ANK1: variants seen among roughly 807,000 people sequenced by gnomAD.
ANK1 encodes ankyrin 1.
ANK1 carries 51 observed loss-of-function variants against 210.4 expected under a neutral mutation model. The observed-to-expected ratio is 0.24, with a 90% CI of 0.19 to 0.31. The LOEUF is 0.31. Ranked by LOEUF, ANK1 falls within the 10% of genes least tolerant of loss-of-function variation. The pLI, the probability that ANK1 is intolerant of heterozygous loss-of-function variation, is 1.00. For missense variants in ANK1, 2,051 were observed against 2,504.4 expected (o/e 0.82, Z 3.86); for synonymous variants, 967 against 1,025.9 (o/e 0.94, Z 1.10).
At chr8:41,785,202 T>G (rs7813245) in intron 1 of ANK1, among the ~76,000 whole-genome samples, 1 of 151,846 alleles carries the variant, frequency 6.6e-6, no homozygotes, top group Admixed American at 6.6e-5. Flanking sequence ...TACAAAAAAT[T>G]TTTAAAAAAT....
At chr8:41,859,694 TATTG>T (rs1302805335) in intron 1 of ANK1, among the ~76,000 whole-genome samples, 1 of 152,238 alleles carries the variant, frequency 6.6e-6, no homozygotes, top group Non-Finnish European at 1.5e-5. Context: ...AATAAACACT[TATTG>T]ATTGATTGAT....
chr8:41,723,219 T>C lies in ANK1; in HGVS notation c.815A>G (p.Glu272Gly), dbSNP rs1563565472. The change falls in exon 9 of 43, where the codon GAA (glutamate) becomes GGA (glycine). Residue 272 changes from glutamate (E) to glycine (G), a missense_variant. Physicochemically the swap from Glu to Gly is moderately conservative, Grantham distance 98. This residue lies in a region of ANK1 where 1,413 missense variants were observed against 1,707.4 expected (regional missense o/e 0.83). Transcript: ENST00000289734. ...AGCTGCACAGTGGAGAGGTGTCAAT[T>C]CGTCCTTTAAAAGACAGAGTCAAAA... Reference protein sequence around the residue: ...GAQIETKTKDELTPLHCAARN... With the variant: ...GAQIETKTKDGLTPLHCAARN... 6.2e-7 allele frequency: 1 copy of C among 1,614,140 alleles called. No homozygotes were observed. Among genetic ancestry groups the C allele is most frequent in the Non-Finnish European group, 8.5e-7 (1 of 1,180,020 alleles).
At chr8:41,778,198 A>G (rs1844516555) in intron 1 of ANK1, among the ~76,000 whole-genome samples, 1 of 152,252 alleles carries the variant, frequency 6.6e-6, no homozygotes, top group Admixed American at 6.5e-5. Context: ...ACTCTTGGGA[A>G]GACTGCAAAC....
chr8:41,870,774 G>T (rs1815319780), intron 1 of ANK1, among the ~76,000 whole-genome samples: 1 of 152,124 alleles, frequency 6.6e-6, no homozygotes, highest in Non-Finnish European at 1.5e-5. Context: ...CCAAGGTTTT[G>T]TCCTTGTTGG....
At chr8:41,692,553 G>C in intron 31 of ANK1, 95 bp downstream of exon 31, 1 of 1,270,934 alleles carries the variant, frequency 7.9e-7, no homozygotes, top group Admixed American at 1.7e-5. Context: ...CTCGTCTACA[G>C]AGGGAGGACT....
intron 1 of ANK1, among the ~76,000 whole-genome samples, chr8:41,781,896 G>T (rs1052214234): frequency 6.6e-6 from 1 of 152,194 alleles, no homozygotes; most frequent in Non-Finnish European, 1.5e-5. Context: ...CTGCGTGAGG[G>T]CTGGGGGTCC....
intron 2 of ANK1, among the ~76,000 whole-genome samples, chr8:41,752,911 C>G (rs1408355546): frequency 6.6e-6 from 1 of 152,044 alleles, no homozygotes; most frequent in Non-Finnish European, 1.5e-5. Context: ...CTGTGGTTCA[C>G]TTTCCTCTAT....
chr8:41,830,346 G>T (rs1238303066), intron 1 of ANK1, among the ~76,000 whole-genome samples: 3 of 149,586 alleles, frequency 2.0e-5, no homozygotes, highest in Non-Finnish European at 4.4e-5. Context: ...TCCCTCTGGG[G>T]TCATTTGTTC....
chr8:41,884,295 C>T (rs1818083018), intron 1 of ANK1, among the ~76,000 whole-genome samples: 2 of 152,246 alleles, frequency 1.3e-5, no homozygotes, highest in South Asian at 4.2e-4. Flanking sequence ...TTTCAGTGAG[C>T]CAAGAACACG....
At chr8:41,827,532 G>A (rs528936911) in intron 1 of ANK1, among the ~76,000 whole-genome samples, 1 of 152,130 alleles carries the variant, frequency 6.6e-6, no homozygotes. Context: ...AGGAAATGTA[G>A]GTTAGACAGG....
In ANK1 at chr8:41,889,418, C is replaced by G. The variant is rs577517711; in HGVS notation, c.126+6937G>C. The stretch of plus-strand genomic sequence containing the variant: ...AAGAAAGAAGTTTTTTTGCAAATAT[C>G]ATTGTCAATGCTCGCCAATGGATGC... On this transcript the variant is annotated intron_variant, in intron 1 of 42. Transcript: ENST00000265709. Among the ~76,000 whole-genome samples, 7 of 152,300 alleles carry G rather than the reference C, an allele frequency of 4.6e-5. No homozygotes were observed. The South Asian group carries it at 1.5e-3, about 32-fold the overall frequency.
rs1814048227 is a variant in ANK1, at chr8:41,864,848, A to T, written c.126+31507T>A. On this transcript the variant is annotated intron_variant, in intron 1 of 42. Transcript: ENST00000265709. The stretch of plus-strand genomic sequence containing the variant: ...CAAAGCCATGTCCACATGAAGCCAA[A>T]CACCTGGATGTTTAGAAAGCATATC... Among the ~76,000 whole-genome samples, 5 of 152,182 alleles carry T rather than the reference A, an allele frequency of 3.3e-5. No individual in the cohort carries two copies. In the South Asian group the frequency reaches 1.0e-3, roughly 32 times the overall value.
At chr8:41,682,023 C>T (rs1816214218) in intron 37 of ANK1, among the ~76,000 whole-genome samples, 1 of 152,156 alleles carries the variant, frequency 6.6e-6, no homozygotes, top group Non-Finnish European at 1.5e-5. Flanking sequence ...CGGGAGAGGG[C>T]TCCCTCAAAG....
intron 6 of ANK1, among the ~76,000 whole-genome samples, chr8:41,725,379 C>A (rs1830416437): frequency 6.6e-6 from 1 of 152,210 alleles, no homozygotes; most frequent in Non-Finnish European, 1.5e-5. Flanking sequence ...GTCCCGGACC[C>A]CCTTTCTCCA....
At chr8:41,885,088 G>T (rs1334627635) in intron 1 of ANK1, among the ~76,000 whole-genome samples, 1 of 152,092 alleles carries the variant, frequency 6.6e-6, no homozygotes, top group Non-Finnish European at 1.5e-5. Context: ...GGCTCTCGCT[G>T]CAAGATAAAG....
chr8:41,795,850 G>A (rs1848638260), intron 1 of ANK1, among the ~76,000 whole-genome samples: 1 of 152,036 alleles, frequency 6.6e-6, no homozygotes, highest in Non-Finnish European at 1.5e-5. Flanking sequence ...AGCAGCTTAG[G>A]GTGACTATAC....
At chr8:41,773,564 C>T (rs747820976) in intron 1 of ANK1, among the ~76,000 whole-genome samples, 7 of 152,154 alleles carry the variant, frequency 4.6e-5, no homozygotes, top group East Asian at 1.9e-4. Flanking sequence ...CGACTCCTAA[C>T]GAGCTCGTGA....
intron 1 of ANK1, among the ~76,000 whole-genome samples, chr8:41,839,227 C>T (rs1808390119): frequency 6.6e-6 from 1 of 152,180 alleles, no homozygotes; most frequent in Non-Finnish European, 1.5e-5. Context: ...ATGATGGGAG[C>T]TAGGTAGATA....
intron 1 of ANK1, among the ~76,000 whole-genome samples, chr8:41,845,253 C>T (rs1056826113): frequency 5.3e-5 from 8 of 151,950 alleles, no homozygotes; most frequent in Admixed American, 6.6e-5. Context: ...GGCATGGTGG[C>T]GTGTGCCTGT....
Sources: allele counts gnomAD v4.1 joint callset (sites outside exome capture counted in the v4.1 genomes callset), GRCh38; gene constraint gnomAD v4.1.1; regional missense constraint gnomAD v4.1.1; transcripts MANE v1.5; gene names NCBI Gene and HGNC (gene_info 2026-07-23, HGNC 2026-07-21).